KCNH2: variants seen among roughly 807,000 people sequenced by gnomAD.
The protein encoded by KCNH2 is potassium voltage-gated channel subfamily H member 2.
Under a neutral mutation model 95.9 loss-of-function variants are expected in KCNH2, and 35 were observed. That is an observed-to-expected ratio of 0.37 (90% CI 0.28 to 0.48). The LOEUF (loss-of-function observed/expected upper bound fraction) is 0.48, where lower values mean the gene tolerates loss of function less well. Among genes scored for constraint, KCNH2 ranks in the 20% least tolerant of loss-of-function variants. KCNH2 has a pLI of 0.99. For synonymous variants in KCNH2, 786 were observed against 754.7 expected, an observed-to-expected ratio of 1.04 and a Z score of -0.68; for missense variants, 1,274 against 1,702.9, an observed-to-expected ratio of 0.75 and a Z score of 4.43.
intron 2 of KCNH2, 139 bp from the exon 3 acceptor site, chr7:150,959,875 G>A (rs973381359): frequency 3.2e-5 from 30 of 952,360 alleles, no homozygotes; most frequent in African/African-American, 6.5e-5. Flanking sequence ...GGGATCTCCC[G>A]TCCTGATCCC....
In KCNH2 at chr7:150,952,403, C is replaced by T. The variant is rs757838122; in HGVS notation, c.1557+22G>A. On this transcript the variant is annotated intron_variant, in intron 6 of 14. Transcript: ENST00000262186. This position sits in a 1 kb window ranked among gnomAD's most constrained non-coding sequence, Gnocchi z 7.3. ...CCTGGCCTCTCCTCTCCCTACACCACCTGCCTCCTTGCTGACCCCACCTCC... is the reference window on the plus strand; with the variant it reads ...CCTGGCCTCTCCTCTCCCTACACCATCTGCCTCCTTGCTGACCCCACCTCC... 6 of 1,612,052 alleles carry T rather than the reference C, an allele frequency of 3.7e-6. No homozygotes were observed. Among genetic ancestry groups the T allele is most frequent in the Non-Finnish European group, 5.1e-6 (6 of 1,179,024 alleles).
At chr7:150,949,862 TC>T (rs1167899832) in intron 9 of KCNH2, 1 of 1,322,066 alleles carries the variant, frequency 7.6e-7, no homozygotes, top group African/African-American at 1.5e-5. Context: ...TAGCATTTCT[TC>T]CTCTACTGCC....
intron 1 of KCNH2, among the ~76,000 whole-genome samples, chr7:150,977,240 T>G (rs940249925): frequency 7.2e-5 from 11 of 152,048 alleles, no homozygotes; most frequent in Middle Eastern, 3.2e-3. Flanking sequence ...ACACCCTGTC[T>G]CCACAGAGCC....
intron 5 of KCNH2, chr7:150,955,798 C>A (rs993581354): frequency 6.5e-5 from 76 of 1,165,602 alleles, no homozygotes; most frequent in Non-Finnish European, 7.8e-5. Context: ...CAGCAGCGGC[C>A]GCACTCGGAA....
Position 150,945,857 on chromosome 7 carries a change from T to C in KCNH2, c.3331-343A>G, listed in dbSNP as rs1800869764. ...CAACCTGGAACAAGCAGTCTCTGTG[T>C]TGGGACAGAAGCTGGGACAGAAAAA... On this transcript the variant is annotated intron_variant, in intron 14 of 14. Coordinates refer to ENST00000262186, the MANE Select transcript of KCNH2 (RefSeq NM_000238.4). This position sits in a 1 kb window ranked among gnomAD's most constrained non-coding sequence, Gnocchi z 5.6. 6.6e-6 allele frequency among the ~76,000 whole-genome samples: 1 copy of C among 152,058 alleles called. No individual in the cohort carries two copies. Among genetic ancestry groups the C allele is most frequent in the South Asian group, 2.1e-4 (1 of 4,812 alleles).
Position 150,958,157 on chromosome 7 carries a change from CG to C in KCNH2, c.817del (p.Arg273GlufsTer87). On this transcript the variant is annotated frameshift_variant, in exon 4 of 15. Coordinates refer to ENST00000262186, the MANE Select transcript of KCNH2 (RefSeq NM_000238.4). LOFTEE classifies it high-confidence loss of function. ...GCGGCGCACGCTGGCGCAGCTTTCT[CG>C]GGAGCGCGTCCGGGCCAGGCTGCAG... ...SSCSLARTRS[R>X]ESCASVRRAS... 7.5e-7 allele frequency: 1 copy of C among 1,334,148 alleles called. No homozygotes were observed. Among genetic ancestry groups the C allele is most frequent in the Non-Finnish European group, 9.6e-7 (1 of 1,044,924 alleles). 82.6% of individuals were successfully genotyped at this position (1,334,148 alleles called of 1,614,324 possible). A position where few individuals can be genotyped will look rare whatever the true frequency, so the allele number is the denominator to read the frequency against.
rs188262457 is a variant in KCNH2 at position 150,952,318 on chromosome 7, C to G, written c.1557+107G>C. On this transcript the variant is annotated intron_variant, in intron 6 of 14. Transcript: ENST00000262186. This position sits in a 1 kb window ranked among gnomAD's most constrained non-coding sequence, Gnocchi z 7.3. ...CCACTGTCTTTCTCTCTTTCTCTCTCTCTCTCTTTTTCTCTGTCCTCCTCG... is the reference window on the plus strand; with the variant it reads ...CCACTGTCTTTCTCTCTTTCTCTCTGTCTCTCTTTTTCTCTGTCCTCCTCG... 1.1e-6 allele frequency: 1 copy of G among 913,124 alleles called. No homozygotes were observed. The highest frequency in any genetic ancestry group is 1.5e-6 in the Non-Finnish European group (1 of 645,682). The allele number at this position is 913,124 out of a possible 1,614,324, so 56.6% of individuals were successfully genotyped here. A position where few individuals can be genotyped will look rare whatever the true frequency, so the allele number is the denominator to read the frequency against.
rs766474899 is a variant in KCNH2, at chr7:150,948,476, CGCTTGCGTT to C, written c.2651_2659del (p.Gln884_Lys886del). On this transcript the variant is annotated inframe_deletion, in exon 11 of 15. Transcript: ENST00000262186. Reference sequence around the variant, plus strand: ...CGTGCGCCTGCGGAAGGACAACTTGCGCTTGCGTTGCCGACTGAAGCCACCCTCTAACTC... The same window carrying C: ...CGTGCGCCTGCGGAAGGACAACTTGCGCCGACTGAAGCCACCCTCTAACTC... The C allele has an allele frequency of 6.5e-7, 1 of 1,538,492 alleles. No homozygotes were observed. Among genetic ancestry groups the C allele is most frequent in the South Asian group, 1.1e-5 (1 of 90,184 alleles).
chr7:150,976,220 G>C (rs1386615842), intron 1 of KCNH2, among the ~76,000 whole-genome samples: 1 of 151,678 alleles, frequency 6.6e-6, no homozygotes, highest in African/African-American at 2.4e-5. Flanking sequence ...GCAATCCTAC[G>C]TGCAAAGCTG....
At position 150,974,914 on chromosome 7, in the gene KCNH2, C is replaced by A; in HGVS notation, c.104G>T (p.Arg35Leu). The A allele has an allele frequency of 6.2e-7, 1 of 1,608,774 alleles. No individual in the cohort carries two copies. Reference sequence around the variant, plus strand: ...GTAGATGACGGCGCAGTTCTCCACCCGAGCGTTGGCGATGATGAACTTACG... The same window carrying A: ...GTAGATGACGGCGCAGTTCTCCACCAGAGCGTTGGCGATGATGAACTTACG... ...QSRKFIIANA[R>L]VENCAVIYCN... The change falls in exon 2 of 15, where the codon CGG becomes CTG. Residue 35 changes from arginine to leucine, a missense_variant. By Grantham distance (102) the Arg-to-Leu change is moderately radical. Transcript: ENST00000262186.
intron 5 of KCNH2, chr7:150,955,890 GC>G: frequency 1.0e-6 from 1 of 969,356 alleles, no homozygotes; most frequent in Non-Finnish European, 1.2e-6. Context: ...CCCCGCCGGT[GC>G]CCAGCCAGCG....
rs962739782 is a variant in KCNH2, at chr7:150,947,352, T to A, written c.3128A>T (p.Asp1043Val). The part of the protein sequence containing the change: ...RPRGDVESRL[D>V]ALQRQLNRLE... ...CCTGTTGAGCTGGCGCTGGAGGGCA[T>A]CCAGCCTGCTCTCCACGTCGCCCCG... Residue 1043 changes from aspartate (D) to valine (V), a missense_variant, in exon 13 of 15, where the codon GAT becomes GTT. Physicochemically the swap from Asp to Val is radical, Grantham distance 152. Around this residue, in one of 7 missense-constraint regions of KCNH2, gnomAD observed 457 missense variants for 416.1 expected, o/e 1.10. Coordinates refer to ENST00000262186, the MANE Select transcript of KCNH2 (RefSeq NM_000238.4). 5.2e-6 allele frequency: 8 copies of A among 1,544,592 alleles called. No homozygotes were observed. The highest frequency in any genetic ancestry group is 7.0e-6 in the Non-Finnish European group (8 of 1,146,816).
Position 150,948,431 on chromosome 7 carries a change from TC to T in KCNH2, c.2692+12del. On this transcript the variant is annotated intron_variant, in intron 11 of 14. Coordinates refer to ENST00000262186, the MANE Select transcript of KCNH2 (RefSeq NM_000238.4). ...GTCCCCGCCCTCCCCCTTCCTCCCCTCCCCCGCCTCACCCTTGTCCGTGCGC... is the reference window on the plus strand; with the variant it reads ...GTCCCCGCCCTCCCCCTTCCTCCCCTCCCCGCCTCACCCTTGTCCGTGCGC... The T allele has an allele frequency of 5.7e-6, 3 of 530,516 alleles. No homozygotes were observed. The highest frequency in any genetic ancestry group is 8.2e-6 in the Non-Finnish European group (3 of 365,628). 32.9% of individuals were successfully genotyped at this position (530,516 alleles called of 1,614,324 possible). A position where few individuals can be genotyped will look rare whatever the true frequency, so the allele number is the denominator to read the frequency against.
chr7:150,950,303 C>T lies in KCNH2; in HGVS notation c.2263G>A (p.Ala755Thr), dbSNP rs794728386. The change falls in exon 9 of 15, where the codon GCC becomes ACC. Residue 755 changes from alanine (A) to threonine (T), a missense_variant. By Grantham distance (58) the Ala-to-Thr change is moderately conservative (BLOSUM62 0). This residue lies in a region of KCNH2 where 159 missense variants were observed against 282.5 expected (regional missense o/e 0.56). Coordinates refer to ENST00000262186, the MANE Select transcript of KCNH2 (RefSeq NM_000238.4). ...GATKGCLRAL[A>T]MKFKTTHAPP... ...GCATGTGTGGTCTTGAACTTCATGG[C>T]CAGGGCCCGAAGGCAGCCCTTGGTG... The T allele has an allele frequency of 6.2e-7, 1 of 1,613,842 alleles. No homozygotes were observed. Among genetic ancestry groups the T allele is most frequent in the Non-Finnish European group, 8.5e-7 (1 of 1,180,010 alleles).
intron 8 of KCNH2, 152 bp from the exon 9 acceptor site, chr7:150,950,572 A>G: frequency 1.9e-6 from 2 of 1,053,300 alleles, no homozygotes; most frequent in South Asian, 1.6e-5. Flanking sequence ...TGTCTTGGGA[A>G]GGACCTGGGA....
chr7:150,974,978 A>AC (rs1287080716), intron 1 of KCNH2, 37 bp from the exon 2 acceptor site: 2 of 1,528,170 alleles, frequency 1.3e-6, no homozygotes. Context: ...GTGAGCGGGG[A>AC]CCCCAGCCTC....
rs199473009 is a variant in KCNH2, at chr7:150,947,800, C to G, written c.2771G>C (p.Gly924Ala). The G allele has an allele frequency of 9.4e-5, 144 of 1,530,568 alleles. No individual in the cohort carries two copies. Among genetic ancestry groups the G allele is most frequent in the East Asian group, 2.0e-4 (8 of 40,790 alleles). The allele number at this position is 1,530,568 out of a possible 1,614,324, so 94.8% of individuals were successfully genotyped here. A position where few individuals can be genotyped will look rare whatever the true frequency, so the allele number is the denominator to read the frequency against. The change falls in exon 12 of 15, where the codon GGG (glycine) becomes GCG (alanine). Residue 924 changes from glycine to alanine, a missense_variant. Coordinates refer to ENST00000262186, the MANE Select transcript of KCNH2 (RefSeq NM_000238.4). Reference protein sequence around the residue: ...GAGPSSRGRPGGPWGESPSSG... With the variant: ...GAGPSSRGRPAGPWGESPSSG... ...GGACGGGCTCTCCCCCCACGGCCCC[C>G]CCGGCCGGCCCCGGCTACTCGGCCC... is the stretch of plus-strand genomic sequence containing the variant.
chr7:150,947,939 G>A (rs1374579261), intron 11 of KCNH2, 61 bp from the exon 12 acceptor site: 21 of 1,501,272 alleles, frequency 1.4e-5, no homozygotes, highest in South Asian at 1.3e-5. Flanking sequence ...GGGGGCGAGG[G>A]TGGAGGAGGG....
intron 7 of KCNH2, 57 bp from the exon 8 acceptor site, chr7:150,951,177 G>A: frequency 6.9e-7 from 1 of 1,453,850 alleles, no homozygotes; most frequent in Non-Finnish European, 9.4e-7. Context: ...CCCACCCACA[G>A]GGACCCTGCT....
Sources: allele counts gnomAD v4.1 joint callset (sites outside exome capture counted in the v4.1 genomes callset), GRCh38; gene constraint gnomAD v4.1.1; regional missense constraint gnomAD v4.1.1; non-coding constraint Gnocchi (gnomAD v3.1); transcripts MANE v1.5; gene names NCBI Gene and HGNC (gene_info 2026-07-23, HGNC 2026-07-21).